Variants in GPHN observed in about 807,000 individuals in gnomAD.
GPHN encodes the protein gephyrin.
In GPHN, 17 loss-of-function variants were observed where a neutral mutation model predicts 95.5. The observed-to-expected ratio is 0.18, with a 90% CI of 0.12 to 0.27. The LOEUF (loss-of-function observed/expected upper bound fraction) is 0.27, where lower values mean the gene tolerates loss of function less well. Ranked by LOEUF, GPHN falls within the 10% of genes least tolerant of loss-of-function variation. The pLI is 1.00. For synonymous variants in GPHN, 320 were observed against 322.5 expected, an observed-to-expected ratio of 0.99 and a Z score of 0.08; for missense variants, 660 against 978.1, an observed-to-expected ratio of 0.67 and a Z score of 4.34.
At chr14:66,929,869 G>A (rs1187563137) in intron 8 of GPHN, among the ~76,000 whole-genome samples, 4 of 151,852 alleles carry the variant, frequency 2.6e-5, no homozygotes, top group Non-Finnish European at 5.9e-5. Flanking sequence ...CCGCCACCAC[G>A]CCCGGCTAAT....
At chr14:67,144,739 A>G in intron 18 of GPHN, among the ~76,000 whole-genome samples, 1 of 152,212 alleles carries the variant, frequency 6.6e-6, no homozygotes. Flanking sequence ...TTGGACAGTG[A>G]ACTCTGTTGG....
rs760356358 is a variant in GPHN at position 67,058,782 on chromosome 14, C to T, written c.1140C>T (p.Tyr380=). The change falls in exon 11 of 23, where the codon TAC becomes TAT. Residue 380 remains tyrosine (Y), a synonymous_variant. Coordinates refer to ENST00000478722, the MANE Select transcript of GPHN (RefSeq NM_020806.5). ...TPVLGTEIIN[Y]RDGMGRVLAQ... is the part of the protein sequence containing the mutation. ...TGCTTGGGACAGAAATCATCAATTA[C>T]CGAGGTACTATTATATTTGACCATT... 14 of 1,613,136 alleles carry T rather than the reference C, an allele frequency of 8.7e-6. No homozygotes were observed. In the Admixed American group the frequency reaches 1.7e-4, roughly 19 times the overall value.
intron 17 of GPHN, 41 bp from the exon 18 acceptor site, chr14:67,143,321 T>A (rs1189884093): frequency 1.5e-6 from 2 of 1,298,986 alleles, no homozygotes; most frequent in Non-Finnish European, 2.2e-6. Context: ...TCTAAAATCT[T>A]TTCCTTGTGT....
chr14:66,591,587 A>G (rs542424385), intron 1 of GPHN, among the ~76,000 whole-genome samples: 1 of 152,246 alleles, frequency 6.6e-6, no homozygotes, highest in East Asian at 1.9e-4. Flanking sequence ...CACTAAGAAT[A>G]CAACTTACAA....
the GPHN span, among the ~76,000 whole-genome samples, chr14:67,394,633 C>G: frequency 6.6e-6 from 1 of 152,080 alleles, no homozygotes; most frequent in African/African-American, 2.4e-5. Context: ...TGGATTCATA[C>G]ATCTTTGATG....
At chr14:67,108,046 A>T (rs1266594194) in intron 13 of GPHN, among the ~76,000 whole-genome samples, 1 of 152,208 alleles carries the variant, frequency 6.6e-6, no homozygotes, top group East Asian at 1.9e-4. Flanking sequence ...ATTAAAGAAG[A>T]TTAGAAACTA....
intron 1 of GPHN, among the ~76,000 whole-genome samples, chr14:66,541,077 A>C (rs910918271): frequency 2.2e-4 from 33 of 152,086 alleles, no homozygotes; most frequent in African/African-American, 7.7e-4. Flanking sequence ...CCTCCTGAGT[A>C]GCTGGAATTA....
At chr14:66,645,595 G>A (rs1249398678) in intron 1 of GPHN, among the ~76,000 whole-genome samples, 4 of 151,584 alleles carry the variant, frequency 2.6e-5, no homozygotes, top group Non-Finnish European at 5.9e-5. Flanking sequence ...GAGAGGCTGA[G>A]GCACAAGAAT....
At chr14:67,659,526 T>C in the GPHN span, among the ~76,000 whole-genome samples, 1 of 151,064 alleles carries the variant, frequency 6.6e-6, no homozygotes, top group Admixed American at 6.6e-5. Context: ...AATCTAAATA[T>C]GCATATAGTT....
At chr14:67,107,098 C>T (rs2078083591) in intron 13 of GPHN, among the ~76,000 whole-genome samples, 1 of 152,132 alleles carries the variant, frequency 6.6e-6, no homozygotes, top group African/African-American at 2.4e-5. Context: ...ACTGTGAGTA[C>T]CTCAGTGGCC....
chr14:67,368,008 G>T, the GPHN span, among the ~76,000 whole-genome samples: 1 of 152,202 alleles, frequency 6.6e-6, no homozygotes, highest in East Asian at 1.9e-4. Flanking sequence ...ATCTATAGAG[G>T]TGACTGAGTG....
chr14:67,230,383 C>T, the GPHN span, among the ~76,000 whole-genome samples: 1 of 152,046 alleles, frequency 6.6e-6, no homozygotes, highest in Non-Finnish European at 1.5e-5. Context: ...AGTTTGAGAT[C>T]AGCCTGGGTA....
intron 1 of GPHN, among the ~76,000 whole-genome samples, chr14:66,606,971 T>G (rs1204319339): frequency 6.6e-6 from 1 of 152,194 alleles, no homozygotes; most frequent in African/African-American, 2.4e-5. Flanking sequence ...GCACTTTCAG[T>G]ACTATGTTGA....
intron 1 of GPHN, among the ~76,000 whole-genome samples, chr14:66,561,286 C>A (rs996161286): frequency 6.6e-6 from 1 of 152,104 alleles, no homozygotes; most frequent in Non-Finnish European, 1.5e-5. Flanking sequence ...CCCTCTTTTT[C>A]TATTGATTGG....
chr14:67,563,532 C>G, the GPHN span, among the ~76,000 whole-genome samples: 1 of 152,054 alleles, frequency 6.6e-6, no homozygotes, highest in Admixed American at 6.6e-5. Flanking sequence ...CTCCTGGGTT[C>G]AATCAATTCT....
intron 8 of GPHN, among the ~76,000 whole-genome samples, chr14:66,932,469 T>TTTTG (rs1440908730): frequency 2.9e-5 from 4 of 136,488 alleles, no homozygotes; most frequent in Non-Finnish European, 6.3e-5. Context: ...TTTTTTTTTT[T>TTTTG]TTTTTTTTTT....
intron 5 of GPHN, among the ~76,000 whole-genome samples, chr14:66,880,482 T>C (rs2153534066): frequency 1.3e-5 from 2 of 152,116 alleles, no homozygotes; most frequent in Middle Eastern, 6.8e-3. Flanking sequence ...AGTTACTGTT[T>C]TCTGTGACTG....
At chr14:66,680,427 G>C (rs2066872307) in intron 1 of GPHN, among the ~76,000 whole-genome samples, 1 of 152,204 alleles carries the variant, frequency 6.6e-6, no homozygotes, top group African/African-American at 2.4e-5. Flanking sequence ...CCCATGGCCT[G>C]TTCTCCCAAC....
At chr14:67,502,336 A>C in the GPHN span, among the ~76,000 whole-genome samples, 1,232 of 151,980 alleles carry the variant, frequency 8.1e-3, 19 homozygotes, top group African/African-American at 0.029. Context: ...ATCTCAAAAA[A>C]AAGAAAAGAA....
Sources: allele counts gnomAD v4.1 joint callset (sites outside exome capture counted in the v4.1 genomes callset), GRCh38; gene constraint gnomAD v4.1.1; transcripts MANE v1.5; gene names NCBI Gene and HGNC (gene_info 2026-07-23, HGNC 2026-07-21).